GPHN: variants seen among roughly 807,000 people sequenced by gnomAD.
GPHN encodes gephyrin.
Under a neutral mutation model 95.5 loss-of-function variants are expected in GPHN, and 17 were observed. That is an observed-to-expected ratio of 0.18 (90% confidence interval 0.12 to 0.27). GPHN has a LOEUF of 0.27. GPHN is among the 10% of genes least tolerant of loss of function. The probability of loss-of-function intolerance (pLI) is 1.00; values close to 1 mark genes in which losing one functional copy is unlikely to be tolerated. For missense variants in GPHN, 660 were observed against 978.1 expected (o/e 0.67, Z 4.34); for synonymous variants, 320 against 322.5 (o/e 0.99, Z 0.08).
In GPHN at chr14:66,882,654, G is replaced by A. The variant is rs369502302; in HGVS notation, c.389+2621G>A. On this transcript the variant is annotated intron_variant, in intron 5 of 22. Transcript: ENST00000478722. ...GATAAAGTGAATTAATCTATGTAAAGCACTTAGAAAACTGACTCGTAGTAA... is the reference window on the plus strand; with the variant it reads ...GATAAAGTGAATTAATCTATGTAAAACACTTAGAAAACTGACTCGTAGTAA... Among the ~76,000 whole-genome samples the A allele has an allele frequency of 1.3e-4, 19 of 151,666 alleles. 1 individual carries two copies. The East Asian group carries it at 2.9e-3, about 23-fold the overall frequency.
intron 1 of GPHN, among the ~76,000 whole-genome samples, chr14:66,638,959 AG>A (rs1279672393): frequency 2.6e-5 from 4 of 152,162 alleles, no homozygotes; most frequent in African/African-American, 4.8e-5. Flanking sequence ...ATTCACATTC[AG>A]TTAGTGAAGA....
Position 67,149,176 on chromosome 14 carries a change from T to G in GPHN, c.1836+5727T>G, listed in dbSNP as rs1245462483. On this transcript the variant is annotated intron_variant, in intron 18 of 22. Coordinates refer to ENST00000478722, the MANE Select transcript of GPHN (RefSeq NM_020806.5). ...CTGGCCAACATGGTGAAACCCCGTC[T>G]CTACTAAAAATACAAAAATTAGCTG... is the stretch of plus-strand genomic sequence containing the variant. Among the ~76,000 whole-genome samples the G allele has an allele frequency of 3.9e-5, 6 of 152,002 alleles. No individual in the cohort carries two copies. The East Asian group carries it at 1.2e-3, about 30-fold the overall frequency.
chr14:67,485,459 C>T, the GPHN span, among the ~76,000 whole-genome samples: 1 of 152,224 alleles, frequency 6.6e-6, no homozygotes, highest in African/African-American at 2.4e-5. Context: ...GGAAAAAGAC[C>T]TGATTACCCC....
intron 4 of GPHN, among the ~76,000 whole-genome samples, chr14:66,861,808 C>A (rs1347589921): frequency 6.6e-6 from 1 of 151,708 alleles, no homozygotes. Context: ...CCAAATATGC[C>A]AAACATACCA....
chr14:66,677,698 CA>C (rs2066687674), intron 1 of GPHN, among the ~76,000 whole-genome samples: 1 of 151,572 alleles, frequency 6.6e-6, no homozygotes, highest in African/African-American at 2.4e-5. Context: ...TGTGGCCTAA[CA>C]TGTGGTCTGT....
At chr14:66,933,222 G>A (rs1037135328) in intron 8 of GPHN, among the ~76,000 whole-genome samples, 6 of 152,180 alleles carry the variant, frequency 3.9e-5, no homozygotes, top group African/African-American at 1.4e-4. Context: ...TGAAAAGGAA[G>A]AAATAGGTAA....
intron 18 of GPHN, among the ~76,000 whole-genome samples, chr14:67,157,162 T>A (rs968156977): frequency 6.6e-6 from 1 of 152,058 alleles, no homozygotes; most frequent in African/African-American, 2.4e-5. Context: ...ATAGCTGGTG[T>A]AGCTATATTG....
chr14:67,041,743 T>C (rs2074717010), intron 10 of GPHN, among the ~76,000 whole-genome samples: 1 of 152,226 alleles, frequency 6.6e-6, no homozygotes, highest in South Asian at 2.1e-4. Flanking sequence ...AGTAATGGGA[T>C]TGCTGGGTCA....
At position 66,508,555 on chromosome 14, in the gene GPHN, A is replaced by T. The variant is rs121908539; in HGVS notation, c.28A>T (p.Asn10Tyr). Residue 10 changes from asparagine to tyrosine, a missense_variant, in exon 1 of 23, where the codon AAC becomes TAC. Asn to Tyr is a moderately radical substitution (Grantham distance 143, BLOSUM62 -2). Around this residue, in one of 6 missense-constraint regions of GPHN, gnomAD observed 92 missense variants for 91.9 expected, o/e 1.00. Coordinates refer to ENST00000478722, the MANE Select transcript of GPHN (RefSeq NM_020806.5). MATEGMILTNHDHQIRVGVL... is the reference protein window; with the variant it reads MATEGMILTYHDHQIRVGVL... The stretch of plus-strand genomic sequence containing the variant: ...GGCGACCGAGGGAATGATCCTTACT[A>T]ACCACGACCATCAAATCCGTGTCGG... 378 of 1,613,786 alleles carry T rather than the reference A, an allele frequency of 2.3e-4. No homozygotes were observed. The highest frequency in any genetic ancestry group is 2.8e-4 in the Non-Finnish European group (332 of 1,179,842).
chr14:66,943,376 A>C (rs1016284833), intron 8 of GPHN, among the ~76,000 whole-genome samples: 2 of 152,160 alleles, frequency 1.3e-5, no homozygotes, highest in African/African-American at 4.8e-5. Flanking sequence ...ATTATGTGCT[A>C]GGTGCTGCCA....
At chr14:67,066,791 G>C (rs1241347440) in intron 11 of GPHN, among the ~76,000 whole-genome samples, 1 of 151,994 alleles carries the variant, frequency 6.6e-6, no homozygotes, top group Non-Finnish European at 1.5e-5. Context: ...GGTCACTTAA[G>C]GTCTTCTCTA....
At chr14:67,392,851 T>C in the GPHN span, 2 of 1,607,676 alleles carry the variant, frequency 1.2e-6, no homozygotes, top group South Asian at 1.1e-5. Context: ...GGGAGGAGCC[T>C]GGCCAAGGGC....
At chr14:67,350,613 G>GA in the GPHN span, 1 of 1,612,692 alleles carries the variant, frequency 6.2e-7, no homozygotes, top group Admixed American at 1.7e-5. Flanking sequence ...CCCCTTACCT[G>GA]AAGTCACCTG....
rs117860716 is a variant in GPHN at position 67,043,046 on chromosome 14, G to A, written c.1007-15603G>A. Reference sequence around the variant, plus strand: ...GGCTCTCTGTTTGTCTGTTATTAGGGTATAGAATGCTTGTGATTTTTGCAC... The same window carrying A: ...GGCTCTCTGTTTGTCTGTTATTAGGATATAGAATGCTTGTGATTTTTGCAC... On this transcript the variant is annotated intron_variant, in intron 10 of 22. Transcript: ENST00000478722. Among the ~76,000 whole-genome samples, 416 of 152,216 alleles carry A rather than the reference G, an allele frequency of 2.7e-3. 1 individual carries two copies. The highest frequency in any genetic ancestry group is 4.4e-3 in the Non-Finnish European group (301 of 68,022).
chr14:66,814,782 T>C (rs1365473670), intron 3 of GPHN, among the ~76,000 whole-genome samples: 2 of 151,928 alleles, frequency 1.3e-5, no homozygotes, highest in African/African-American at 4.8e-5. Flanking sequence ...CCACACCATC[T>C]CTCCAGCAAG....
At chr14:67,293,612 T>C in the GPHN span, among the ~76,000 whole-genome samples, 2 of 152,176 alleles carry the variant, frequency 1.3e-5, no homozygotes, top group African/African-American at 2.4e-5. Context: ...AAATTACTTT[T>C]CTTACGGAGA....
the GPHN span, among the ~76,000 whole-genome samples, chr14:67,265,606 C>T: frequency 1.3e-5 from 2 of 151,826 alleles, no homozygotes; most frequent in Non-Finnish European, 2.9e-5. Flanking sequence ...CCTGTAATCC[C>T]AGCATTTTGG....
chr14:66,923,633 A>G (rs952474043), intron 7 of GPHN, among the ~76,000 whole-genome samples: 2 of 152,160 alleles, frequency 1.3e-5, no homozygotes, highest in Non-Finnish European at 2.9e-5. Context: ...CATACCTACT[A>G]AAGTCAACCT....
the GPHN span, among the ~76,000 whole-genome samples, chr14:67,313,119 C>T: frequency 6.6e-6 from 1 of 151,986 alleles, no homozygotes; most frequent in African/African-American, 2.4e-5. Context: ...TTTATTGTAC[C>T]AAACGTGATC....
Sources: allele counts gnomAD v4.1 joint callset (sites outside exome capture counted in the v4.1 genomes callset), GRCh38; gene constraint gnomAD v4.1.1; regional missense constraint gnomAD v4.1.1; transcripts MANE v1.5; gene names NCBI Gene and HGNC (gene_info 2026-07-23, HGNC 2026-07-21).